Variants in ZFP1 observed in about 807,000 individuals in gnomAD.
ZFP1 encodes zinc finger protein 1 homolog.
A neutral mutation model predicts 38.5 loss-of-function variants in ZFP1; 32 were observed. That is an observed-to-expected ratio of 0.83 (90% CI 0.63 to 1.12). The LOEUF is 1.12. Among genes scored for constraint, ZFP1 ranks in the 50% most tolerant of loss-of-function variants. The probability of loss-of-function intolerance (pLI) is 0.00; values close to 1 mark genes in which losing one functional copy is unlikely to be tolerated. For synonymous variants in ZFP1, 245 were observed against 168.8 expected (o/e 1.45, Z -3.50); for missense variants, 616 against 480.8 (o/e 1.28, Z -2.63).
chr16:75,171,880 C>T lies in ZFP1; in HGVS notation c.*1546C>T, dbSNP rs1032215838. ...TTAGAAATGTAAATTGTAACAGCCT[C>T]CTTGGACAACATTGTGAGTCTGTTT... On this transcript the variant is annotated 3_prime_UTR_variant, in exon 4 of 4. Coordinates refer to ENST00000570010, the MANE Select transcript of ZFP1 (RefSeq NM_153688.4). 1.3e-5 allele frequency: 2 copies of T among 152,184 alleles called. No homozygotes were observed. The highest frequency in any genetic ancestry group is 4.8e-5 in the African/African-American group (2 of 41,456). The allele number at this position is 152,184 out of a possible 1,614,324, so 9.4% of individuals were successfully genotyped here. A position where few individuals can be genotyped will look rare whatever the true frequency, so the allele number is the denominator to read the frequency against.
the ZFP1 span, among the ~76,000 whole-genome samples, chr16:75,131,074 T>G: frequency 6.6e-6 from 1 of 152,164 alleles, no homozygotes; most frequent in Admixed American, 6.6e-5. Context: ...TCTGTCCCTG[T>G]GGGCCTCAAG....
At chr16:75,140,268 C>CAA in the ZFP1 span, among the ~76,000 whole-genome samples, 2 of 145,640 alleles carry the variant, frequency 1.4e-5, no homozygotes, top group Non-Finnish European at 1.5e-5. Flanking sequence ...AACTCCATCT[C>CAA]AAAAAAAAAA....
At chr16:75,162,446 C>A (rs866053952) in intron 2 of ZFP1, among the ~76,000 whole-genome samples, 1 of 152,098 alleles carries the variant, frequency 6.6e-6, no homozygotes. Flanking sequence ...CTTAATTATC[C>A]GCCTATTTTG....
At chr16:75,124,413 G>A in the ZFP1 span, among the ~76,000 whole-genome samples, 1 of 150,528 alleles carries the variant, frequency 6.6e-6, no homozygotes, top group Middle Eastern at 3.4e-3. Flanking sequence ...GCCCTCCTCA[G>A]CCTCTTAAAG....
chr16:75,169,144 CAAACT>C, intron 3 of ZFP1, 104 bp from the exon 4 acceptor site: 3 of 1,355,030 alleles, frequency 2.2e-6, no homozygotes, highest in Middle Eastern at 1.9e-4. Context: ...GACTGGGTCC[CAAACT>C]AAAGAGTCAG....
chr16:75,147,950 T>C (rs2036976060), upstream of ZFP1, among the ~76,000 whole-genome samples: 2 of 152,204 alleles, frequency 1.3e-5, no homozygotes, highest in Non-Finnish European at 2.9e-5. Flanking sequence ...GTGATGCACA[T>C]GTTAATTAGC....
the ZFP1 span, among the ~76,000 whole-genome samples, chr16:75,123,457 A>ATGTG: frequency 1.6e-4 from 5 of 31,662 alleles, no homozygotes; most frequent in Non-Finnish European, 2.7e-4. Context: ...GTGTATATGT[A>ATGTG]TATATATATA....
At chr16:75,165,142 A>C (rs532108521) in intron 2 of ZFP1, among the ~76,000 whole-genome samples, 119 of 151,924 alleles carry the variant, frequency 7.8e-4, no homozygotes, top group African/African-American at 2.8e-3. Flanking sequence ...AGCCATGCCT[A>C]TTTGTTGACG....
the ZFP1 span, among the ~76,000 whole-genome samples, chr16:75,119,826 G>C: frequency 6.6e-6 from 1 of 152,002 alleles, no homozygotes; most frequent in African/African-American, 2.4e-5. Context: ...GGGGAACAAG[G>C]CCTCTGAAGT....
At chr16:75,156,194 C>T (rs995488705) in intron 2 of ZFP1, among the ~76,000 whole-genome samples, 14 of 152,222 alleles carry the variant, frequency 9.2e-5, no homozygotes, top group South Asian at 2.1e-4. Flanking sequence ...TGGGTCACGC[C>T]GGTAATCCTA....
intron 2 of ZFP1, among the ~76,000 whole-genome samples, chr16:75,161,170 C>T (rs569849327): frequency 2.6e-5 from 4 of 152,076 alleles, no homozygotes; most frequent in East Asian, 1.9e-4. Flanking sequence ...CGGGTTCAAG[C>T]GATTCTCCTG....
chr16:75,124,716 G>T, the ZFP1 span, among the ~76,000 whole-genome samples: 2 of 148,902 alleles, frequency 1.3e-5, no homozygotes, highest in African/African-American at 4.9e-5. Flanking sequence ...GAACCTGGGA[G>T]GCGGAGCTTG....
In ZFP1 at chr16:75,169,802, A is replaced by C; in HGVS notation, c.692A>C (p.Gln231Pro). ...CATAAGGCCAACCTCATCAAACATC[A>C]GAGAATTCACACTGGGGAGAAACCT... ...FSHKANLIKH[Q>P]RIHTGEKPFE... Residue 231 changes from glutamine (Q) to proline (P), a missense_variant, in exon 4 of 4, where the codon CAG becomes CCG. Gln to Pro is a moderately conservative substitution (Grantham distance 76). Coordinates refer to ENST00000570010, the MANE Select transcript of ZFP1 (RefSeq NM_153688.4). The C allele has an allele frequency of 6.2e-7, 1 of 1,614,158 alleles. No homozygotes were observed. The highest frequency in any genetic ancestry group is 1.1e-5 in the South Asian group (1 of 91,082).
chr16:75,122,796 C>G, the ZFP1 span, among the ~76,000 whole-genome samples: 1 of 152,152 alleles, frequency 6.6e-6, no homozygotes, highest in African/African-American at 2.4e-5. Flanking sequence ...GTTAGTTTGG[C>G]CTATGCCCAG....
the ZFP1 span, among the ~76,000 whole-genome samples, chr16:75,124,516 G>T: frequency 6.8e-6 from 1 of 146,068 alleles, no homozygotes; most frequent in Non-Finnish European, 1.5e-5. Flanking sequence ...GGGCATGGTG[G>T]CTCACGCCTG....
the ZFP1 span, among the ~76,000 whole-genome samples, chr16:75,134,029 A>T: frequency 6.6e-6 from 1 of 152,166 alleles, no homozygotes; most frequent in Non-Finnish European, 1.5e-5. Flanking sequence ...AGCCTGGGCG[A>T]TAGAGCAAGA....
At chr16:75,168,572 A>C (rs1377446562) in intron 3 of ZFP1, among the ~76,000 whole-genome samples, 1 of 151,838 alleles carries the variant, frequency 6.6e-6, no homozygotes, top group African/African-American at 2.4e-5. Flanking sequence ...TAAAACCAGC[A>C]GCAGTTAGTG....
intron 2 of ZFP1, among the ~76,000 whole-genome samples, chr16:75,164,237 GGTCTTA>G (rs1168765649): frequency 6.6e-6 from 1 of 151,308 alleles, no homozygotes; most frequent in Non-Finnish European, 1.5e-5. Flanking sequence ...AAACCCTGAA[GGTCTTA>G]GTCTTTTAAC....
At chr16:75,137,642 A>G in the ZFP1 span, among the ~76,000 whole-genome samples, 2 of 150,522 alleles carry the variant, frequency 1.3e-5, no homozygotes, top group African/African-American at 2.4e-5. Flanking sequence ...TTTTTTTTGT[A>G]TTTTTAGTAG....
Sources: allele counts gnomAD v4.1 joint callset (sites outside exome capture counted in the v4.1 genomes callset), GRCh38; gene constraint gnomAD v4.1.1; transcripts MANE v1.5; gene names NCBI Gene and HGNC (gene_info 2026-07-23, HGNC 2026-07-21).